The following DIP2B variants were observed in gnomAD, a reference collection of about 807,000 sequenced individuals.
DIP2B encodes the protein DIP2 acetate--CoA ligase B (putative).
In DIP2B, 76 loss-of-function variants were observed where a neutral mutation model predicts 198.0. The observed-to-expected ratio is 0.38, with a 90% confidence interval of 0.32 to 0.46. The LOEUF is 0.46. Ranked by LOEUF, DIP2B falls within the 20% of genes least tolerant of loss-of-function variation. The probability of loss-of-function intolerance (pLI) is 0.99; values close to 1 mark genes in which losing one functional copy is unlikely to be tolerated. For missense variants in DIP2B, 1,559 were observed against 1,978.4 expected, an observed-to-expected ratio of 0.79 and a Z score of 4.02; for synonymous variants, 701 against 739.1, an observed-to-expected ratio of 0.95 and a Z score of 0.84.
chr12:50,615,233 A>G (rs1937676039), intron 1 of DIP2B, among the ~76,000 whole-genome samples: 1 of 152,164 alleles, frequency 6.6e-6, no homozygotes, highest in Admixed American at 6.5e-5. Context: ...CAATAATGAA[A>G]ATTACTTTTC....
intron 1 of DIP2B, among the ~76,000 whole-genome samples, chr12:50,528,795 A>G (rs1454609153): frequency 6.6e-6 from 1 of 152,214 alleles, no homozygotes; most frequent in African/African-American, 2.4e-5. Flanking sequence ...CAAGAAATCT[A>G]GAGAAGGGAT....
chr12:50,744,451 T>C (rs1235554055), intron 37 of DIP2B, 136 bp from the exon 38 acceptor site: 9 of 1,148,338 alleles, frequency 7.8e-6, no homozygotes, highest in Non-Finnish European at 1.1e-5. Flanking sequence ...GTGTCATATA[T>C]GGTAGACATG....
chr12:50,744,591 G>T lies in DIP2B; in HGVS notation c.4483G>T (p.Val1495Leu), dbSNP rs749017384. 6.2e-7 allele frequency: 1 copy of T among 1,613,238 alleles called. No individual in the cohort carries two copies. Among genetic ancestry groups the T allele is most frequent in the East Asian group, 2.2e-5 (1 of 44,866 alleles). The change falls in exon 38 of 38, where the codon GTG becomes TTG. Residue 1495 changes from valine (V) to leucine (L), a missense_variant. Val to Leu is a conservative substitution (Grantham distance 32, BLOSUM62 1). Coordinates refer to ENST00000301180, the MANE Select transcript of DIP2B (RefSeq NM_173602.3). ...RIHRSIAECA[V>L]FTWTNLLVVV... Reference sequence around the variant, plus strand: ...GAATTGTCATTGAAATTTCAGTGCCGTGTTCACATGGACCAACTTGCTTGT... The same window carrying T: ...GAATTGTCATTGAAATTTCAGTGCCTTGTTCACATGGACCAACTTGCTTGT...
At position 50,655,686 on chromosome 12, in the gene DIP2B, A is replaced by T. The variant is rs186455888; in HGVS notation, c.302-4508A>T. 1.8e-3 allele frequency among the ~76,000 whole-genome samples: 271 copies of T among 152,358 alleles called. 3 individuals are homozygous for T. The highest frequency in any genetic ancestry group is 0.016 in the Admixed American group (252 of 15,306). On this transcript the variant is annotated intron_variant, in intron 3 of 37. Transcript: ENST00000301180. ...GATTTATTTTTCATATTGACGTAAG[A>T]TAGCAATTTTTGGCTGGGTGCAGTG...
At chr12:50,738,004 C>G (rs1308801726) in intron 35 of DIP2B, among the ~76,000 whole-genome samples, 1 of 152,082 alleles carries the variant, frequency 6.6e-6, no homozygotes, top group Non-Finnish European at 1.5e-5. Flanking sequence ...CAGTATTGGA[C>G]AGGTTAATTT....
chr12:50,557,134 A>C (rs1169956436), intron 1 of DIP2B, among the ~76,000 whole-genome samples: 1 of 152,196 alleles, frequency 6.6e-6, no homozygotes, highest in Non-Finnish European at 1.5e-5. Flanking sequence ...GATTTGAGCC[A>C]CCTGGTCGGT....
intron 2 of DIP2B, among the ~76,000 whole-genome samples, chr12:50,634,500 C>T (rs1938121560): frequency 6.6e-6 from 1 of 152,164 alleles, no homozygotes; most frequent in African/African-American, 2.4e-5. Flanking sequence ...TACTGTGTTC[C>T]AAATACTGTT....
Position 50,675,401 on chromosome 12 carries a change from C to T in DIP2B, c.869C>T (p.Pro290Leu), listed in dbSNP as rs1938929272. The T allele has an allele frequency of 6.2e-7, 1 of 1,613,856 alleles. No individual in the cohort carries two copies. Among genetic ancestry groups the T allele is most frequent in the Non-Finnish European group, 8.5e-7 (1 of 1,179,872 alleles). The change falls in exon 7 of 38, where the codon CCT (proline) becomes CTT (leucine). Residue 290 changes from proline to leucine, a missense_variant. Pro to Leu is a moderately conservative substitution (Grantham distance 98, BLOSUM62 -3). Transcript: ENST00000301180. Reference sequence around the variant, plus strand: ...AACACTCTGAAACGACCCAAAAGGCCTCCCTTAAAGGAATTTTTTGTGGAT... The same window carrying T: ...AACACTCTGAAACGACCCAAAAGGCTTCCCTTAAAGGAATTTTTTGTGGAT... Reference protein sequence around the residue: ...LLNTLKRPKRPPLKEFFVDDS... With the variant: ...LLNTLKRPKRLPLKEFFVDDS...
rs1163757465 is a variant in DIP2B, at chr12:50,537,061, T to G, written c.100+31821T>G. On this transcript the variant is annotated intron_variant, in intron 1 of 37. Coordinates refer to ENST00000301180, the MANE Select transcript of DIP2B (RefSeq NM_173602.3). ...CCAAACTCATTATCCTGTGCTTTTT[T>G]TTTTTTAATTTTTTTGGTCACACTT... Among the ~76,000 whole-genome samples, 5 of 151,124 alleles carry G rather than the reference T, an allele frequency of 3.3e-5. No individual in the cohort carries two copies. The East Asian group carries it at 9.7e-4, about 29-fold the overall frequency.
chr12:50,599,476 G>T (rs1255325793), intron 1 of DIP2B, among the ~76,000 whole-genome samples: 1 of 152,074 alleles, frequency 6.6e-6, no homozygotes, highest in East Asian at 1.9e-4. Flanking sequence ...AATTAGGTGG[G>T]TGTGGTAGTG....
At chr12:50,589,078 G>C (rs1311706013) in intron 1 of DIP2B, among the ~76,000 whole-genome samples, 1 of 151,672 alleles carries the variant, frequency 6.6e-6, no homozygotes, top group East Asian at 1.9e-4. Flanking sequence ...CAGCTACTCG[G>C]GAGGCTGAGG....
At position 50,744,940 on chromosome 12, in the gene DIP2B, G is replaced by A; in HGVS notation, c.*101G>A. 8.7e-6 allele frequency: 12 copies of A among 1,381,904 alleles called. No homozygotes were observed. The highest frequency in any genetic ancestry group is 1.2e-5 in the Non-Finnish European group (12 of 1,010,824). The allele number at this position is 1,381,904 out of a possible 1,614,324, so 85.6% of individuals were successfully genotyped here. A position where few individuals can be genotyped will look rare whatever the true frequency, so the allele number is the denominator to read the frequency against. The stretch of plus-strand genomic sequence containing the variant: ...CAAACGATGTGAAATAAGCTGAGAT[G>A]GCTACATGATATTCTTCATCTCATC... On this transcript the variant is annotated 3_prime_UTR_variant, in exon 38 of 38. Coordinates refer to ENST00000301180, the MANE Select transcript of DIP2B (RefSeq NM_173602.3).
intron 37 of DIP2B, among the ~76,000 whole-genome samples, chr12:50,743,297 A>G (rs1592151696): frequency 1.3e-5 from 2 of 152,054 alleles, no homozygotes; most frequent in Admixed American, 1.3e-4. Flanking sequence ...TGGCCAGGCT[A>G]GTCTTGAATT....
intron 2 of DIP2B, among the ~76,000 whole-genome samples, chr12:50,631,321 G>C (rs892407691): frequency 6.6e-6 from 1 of 151,870 alleles, no homozygotes; most frequent in African/African-American, 2.4e-5. Flanking sequence ...CTACCTCCTG[G>C]GTTCAAGCAA....
chr12:50,526,093 C>T (rs548809257), intron 1 of DIP2B, among the ~76,000 whole-genome samples: 29 of 152,152 alleles, frequency 1.9e-4, no homozygotes, highest in African/African-American at 6.7e-4. Context: ...TGTCTTGTTC[C>T]CTGCTGTCTC....
At chr12:50,615,465 T>C (rs537560431) in intron 1 of DIP2B, among the ~76,000 whole-genome samples, 1 of 152,352 alleles carries the variant, frequency 6.6e-6, no homozygotes, top group East Asian at 1.9e-4. Context: ...CCAAAGGCAC[T>C]AACTTTGTTG....
intron 9 of DIP2B, 52 bp from the exon 10 acceptor site, chr12:50,683,086 C>A: frequency 7.2e-7 from 1 of 1,381,350 alleles, no homozygotes; most frequent in African/African-American, 1.5e-5. Context: ...ACATTGAAAG[C>A]ATTAGTATGT....
intron 1 of DIP2B, among the ~76,000 whole-genome samples, chr12:50,608,530 G>C (rs1330928241): frequency 6.6e-6 from 1 of 151,676 alleles, no homozygotes; most frequent in African/African-American, 2.4e-5. Flanking sequence ...GGAGGCTGAG[G>C]CAGGAGAATT....
intron 1 of DIP2B, among the ~76,000 whole-genome samples, chr12:50,587,246 C>T (rs906508105): frequency 2.4e-4 from 37 of 152,284 alleles, no homozygotes; most frequent in Admixed American, 4.6e-4. Flanking sequence ...CCCACAAAGT[C>T]CAGGTCCCCT....
Sources: allele counts gnomAD v4.1 joint callset (sites outside exome capture counted in the v4.1 genomes callset), GRCh38; gene constraint gnomAD v4.1.1; transcripts MANE v1.5; gene names NCBI Gene and HGNC (gene_info 2026-07-23, HGNC 2026-07-21).